EXOG: variants seen among roughly 807,000 people sequenced by gnomAD.
EXOG encodes exo/endonuclease G.
A neutral mutation model predicts 25.8 loss-of-function variants in EXOG; 27 were observed. That is an observed-to-expected ratio of 1.05 (90% CI 0.77 to 1.45). EXOG has a LOEUF of 1.45. EXOG is among the 40% of genes most tolerant of loss of function. EXOG has a pLI of 0.00. For missense variants in EXOG, 458 were observed against 450.5 expected (o/e 1.02, Z -0.15); for synonymous variants, 133 against 167.0 (o/e 0.80, Z 1.57).
At chr3:38,498,704 G>T in intron 2 of EXOG, 1 of 298,518 alleles carries the variant, frequency 3.3e-6, no homozygotes, top group Non-Finnish European at 6.7e-6. Context: ...GAGCATTCTA[G>T]GAAGAAAGGA....
chr3:38,505,185 T>A (rs2060166024), intron 4 of EXOG, among the ~76,000 whole-genome samples: 1 of 152,184 alleles, frequency 6.6e-6, no homozygotes, highest in African/African-American at 2.4e-5. Context: ...TGTTGTTGGT[T>A]GGTTTGAACC....
intron 5 of EXOG, among the ~76,000 whole-genome samples, chr3:38,518,906 C>T (rs938437032): frequency 2.6e-5 from 4 of 152,182 alleles, no homozygotes; most frequent in African/African-American, 9.7e-5. Flanking sequence ...AAACATGGGT[C>T]TGTCTGACAA....
At chr3:38,517,331 A>C (rs965839922) in intron 5 of EXOG, among the ~76,000 whole-genome samples, 10 of 152,168 alleles carry the variant, frequency 6.6e-5, no homozygotes, top group African/African-American at 2.4e-4. Context: ...ATTGCCCCAG[A>C]TTTAGCCAGT....
At position 38,524,069 on chromosome 3, in the gene EXOG, C is replaced by T. The variant is rs1027842320; in HGVS notation, c.814C>T (p.Leu272=). The T allele has an allele frequency of 6.2e-7, 1 of 1,614,170 alleles. No individual in the cohort carries two copies. Among genetic ancestry groups the T allele is most frequent in the Non-Finnish European group, 8.5e-7 (1 of 1,180,024 alleles). ...LTEFQVSLQD[L]EKLSGLVFFP... Reference sequence around the variant, plus strand: ...TGAATTCCAAGTGAGCCTCCAGGACCTAGAGAAGTTGTCAGGACTGGTGTT... The same window carrying T: ...TGAATTCCAAGTGAGCCTCCAGGACTTAGAGAAGTTGTCAGGACTGGTGTT... Residue 272 remains leucine (L), a synonymous_variant, in exon 6 of 6, where the codon CTA becomes TTA. Transcript: ENST00000287675.
intron 5 of EXOG, among the ~76,000 whole-genome samples, chr3:38,522,487 CA>C (rs2060747838): frequency 6.6e-6 from 1 of 152,148 alleles, no homozygotes; most frequent in East Asian, 1.9e-4. Flanking sequence ...TTTTCTTTTT[CA>C]AAAAAGCCTT....
intron 5 of EXOG, among the ~76,000 whole-genome samples, chr3:38,514,406 A>G (rs1328868047): frequency 6.6e-6 from 1 of 152,242 alleles, no homozygotes; most frequent in Non-Finnish European, 1.5e-5. Flanking sequence ...GTTGAAAGCT[A>G]TGATGAGATT....
chr3:38,496,769 C>A (rs2059902467), intron 1 of EXOG: 18 of 1,465,990 alleles, frequency 1.2e-5, no homozygotes, highest in Middle Eastern at 3.6e-4. Context: ...CAGAACCACC[C>A]CCGCCGCCCG....
chr3:38,498,797 G>T, intron 2 of EXOG: 1 of 391,686 alleles, frequency 2.6e-6, no homozygotes, highest in Admixed American at 2.8e-5. Context: ...AGATGAATGA[G>T]GGGGAAGGTG....
At chr3:38,509,340 C>G (rs1358082767) in intron 5 of EXOG, among the ~76,000 whole-genome samples, 1 of 152,138 alleles carries the variant, frequency 6.6e-6, no homozygotes, top group African/African-American at 2.4e-5. Flanking sequence ...TAATTACAAG[C>G]ATTTCACTAC....
chr3:38,524,387 C>T lies in EXOG; in HGVS notation c.*25C>T, dbSNP rs202130307. The T allele has an allele frequency of 6.6e-5, 104 of 1,565,412 alleles. No individual in the cohort carries two copies. Among genetic ancestry groups the T allele is most frequent in the African/African-American group, 5.5e-4 (40 of 72,818 alleles). ...GTTTTTATCTCAAGATGTGTCATACCGTCTGTAATGAAGCAGGCATGCCCT... is the reference window on the plus strand; with the variant it reads ...GTTTTTATCTCAAGATGTGTCATACTGTCTGTAATGAAGCAGGCATGCCCT... On this transcript the variant is annotated 3_prime_UTR_variant, in exon 6 of 6. Transcript: ENST00000287675.
At chr3:38,499,531 A>G in intron 2 of EXOG, 1 of 370,294 alleles carries the variant, frequency 2.7e-6, no homozygotes, top group South Asian at 2.1e-5. Context: ...CTTGATTTTA[A>G]TGTAAAAGGT....
At chr3:38,514,911 C>T (rs2060491490) in intron 5 of EXOG, among the ~76,000 whole-genome samples, 1 of 151,930 alleles carries the variant, frequency 6.6e-6, no homozygotes. Context: ...GCTGGTATTA[C>T]AGGCACCTGC....
At chr3:38,521,691 T>G (rs754524894) in intron 5 of EXOG, among the ~76,000 whole-genome samples, 2 of 152,226 alleles carry the variant, frequency 1.3e-5, no homozygotes, top group Non-Finnish European at 2.9e-5. Context: ...GCTGCATCTG[T>G]GCCCTCAGTT....
At position 38,501,496 on chromosome 3, in the gene EXOG, T is replaced by C; in HGVS notation, c.453+2T>C. On this transcript the variant is annotated splice_donor_variant, in intron 3 of 5. Transcript: ENST00000287675. LOFTEE classifies it high-confidence loss of function. ...GCAGGAAATAACAAATTTTCAAGTG[T>C]AGGCATACTTTGGGGGAGGGATGGG... The C allele has an allele frequency of 6.2e-7, 1 of 1,613,792 alleles. No homozygotes were observed. Among genetic ancestry groups the C allele is most frequent in the African/African-American group, 1.3e-5 (1 of 75,048 alleles).
intron 5 of EXOG, chr3:38,519,153 A>G (rs2060634324): frequency 6.6e-6 from 1 of 152,254 alleles, no homozygotes. Context: ...GGATCACATC[A>G]TCATAGAACT....
At chr3:38,522,653 C>A (rs913681598) in intron 5 of EXOG, among the ~76,000 whole-genome samples, 1 of 151,980 alleles carries the variant, frequency 6.6e-6, no homozygotes. Flanking sequence ...TACAGGCATG[C>A]GCCACCACGC....
intron 5 of EXOG, 62 bp from the exon 6 acceptor site, chr3:38,523,838 CA>C (rs2060797694): frequency 8.5e-7 from 1 of 1,174,202 alleles, no homozygotes; most frequent in Non-Finnish European, 1.2e-6. Flanking sequence ...AAGTATTTTT[CA>C]GAAAAAATTT....
intron 5 of EXOG, chr3:38,515,562 G>T: frequency 5.2e-6 from 1 of 191,728 alleles, no homozygotes; most frequent in East Asian, 1.3e-4. Flanking sequence ...CGAAGAAGTG[G>T]GTGCTGTGGC....
intron 5 of EXOG, among the ~76,000 whole-genome samples, chr3:38,510,551 G>T (rs553074300): frequency 6.6e-6 from 1 of 152,024 alleles, no homozygotes; most frequent in East Asian, 1.9e-4. Flanking sequence ...GAAAAGAGAA[G>T]AGAGTGATAA....
Sources: gnomAD v4.1 joint callset for allele counts (sites outside exome capture counted in the v4.1 genomes callset) on GRCh38, gnomAD v4.1.1 for gene constraint, MANE v1.5 for transcripts, NCBI Gene and HGNC (gene_info 2026-07-23, HGNC 2026-07-21) for gene names.